The following TCF7L2 variants were observed in gnomAD, a reference collection of about 807,000 sequenced individuals.
TCF7L2 encodes transcription factor 7 like 2, also known as transcription factor 7-like 2.
A neutral mutation model predicts 77.9 loss-of-function variants in TCF7L2; 23 were observed. The ratio of observed to expected loss-of-function variants is 0.30; its 90% CI spans 0.21 to 0.42. TCF7L2 has a LOEUF of 0.42. Among genes scored for constraint, TCF7L2 ranks in the 10% least tolerant of loss-of-function variants. The pLI is 1.00. For synonymous variants in TCF7L2, 413 were observed against 340.2 expected (o/e 1.21, Z -2.36); for missense variants, 654 against 793.1 (o/e 0.82, Z 2.11).
At chr10:113,143,886 C>A (rs2068816725) in intron 6 of TCF7L2, 37 bp from the exon 7 acceptor site, 1 of 1,544,382 alleles carries the variant, frequency 6.5e-7, no homozygotes, top group Admixed American at 1.7e-5. Context: ...TTCCTTCTCT[C>A]CCTCCTTTGT....
At chr10:113,027,004 A>AC (rs1240605878) in intron 4 of TCF7L2, among the ~76,000 whole-genome samples, 1 of 152,228 alleles carries the variant, frequency 6.6e-6, no homozygotes, top group African/African-American at 2.4e-5. Context: ...AAAGCAGAGA[A>AC]CGAGTTGGGT....
intron 5 of TCF7L2, among the ~76,000 whole-genome samples, chr10:113,098,362 C>T (rs1383129794): frequency 1.3e-5 from 2 of 152,044 alleles, no homozygotes; most frequent in East Asian, 3.9e-4. Flanking sequence ...ATTCTGTGCC[C>T]TGATTTAACG....
intron 4 of TCF7L2, among the ~76,000 whole-genome samples, chr10:113,025,468 A>C (rs1309040394): frequency 2.6e-5 from 4 of 151,996 alleles, no homozygotes; most frequent in African/African-American, 4.8e-5. Flanking sequence ...TGAACTCCTG[A>C]ACTGAAGTGA....
At chr10:112,954,728 G>T (rs116900980) in intron 3 of TCF7L2, among the ~76,000 whole-genome samples, 3,493 of 152,320 alleles carry the variant, frequency 0.023, 102 homozygotes, top group Admixed American at 0.075. Context: ...TCCTGGCAAA[G>T]TGGAAATAGG....
intron 3 of TCF7L2, among the ~76,000 whole-genome samples, chr10:112,961,006 TTTA>T (rs2034954792): frequency 6.6e-6 from 1 of 151,332 alleles, no homozygotes. Flanking sequence ...GAACCTGGTT[TTTA>T]TTTTATTTTA....
At chr10:112,973,569 T>C (rs1196331754) in intron 4 of TCF7L2, among the ~76,000 whole-genome samples, 1 of 147,656 alleles carries the variant, frequency 6.8e-6, no homozygotes, top group Non-Finnish European at 1.5e-5. Context: ...ATTGTAAGCC[T>C]TTTTTATTGT....
chr10:112,969,422 G>A (rs576169748), intron 4 of TCF7L2, among the ~76,000 whole-genome samples: 64 of 152,212 alleles, frequency 4.2e-4, no homozygotes, highest in Non-Finnish European at 6.5e-4. Flanking sequence ...GTTTTTTTGC[G>A]ATTATGAATA....
chr10:113,046,450 G>C (rs905098904), intron 5 of TCF7L2, among the ~76,000 whole-genome samples: 1 of 152,114 alleles, frequency 6.6e-6, no homozygotes, highest in Non-Finnish European at 1.5e-5. Flanking sequence ...ACTCTTAAGA[G>C]AGTTCTACCT....
intron 4 of TCF7L2, among the ~76,000 whole-genome samples, chr10:113,003,962 A>C (rs2045003643): frequency 6.6e-6 from 1 of 152,198 alleles, no homozygotes. Context: ...ACACCTTTAG[A>C]GGGATTTTAG....
At chr10:113,031,287 T>C (rs182443118) in intron 4 of TCF7L2, among the ~76,000 whole-genome samples, 22 of 152,342 alleles carry the variant, frequency 1.4e-4, no homozygotes, top group Middle Eastern at 6.8e-3. Flanking sequence ...AATCTTCAAA[T>C]GGACTACATG....
intron 11 of TCF7L2, among the ~76,000 whole-genome samples, chr10:113,155,767 C>T (rs972259882): frequency 6.6e-6 from 1 of 152,178 alleles, no homozygotes. Flanking sequence ...AAACTAGGCC[C>T]GCCTGCCTGT....
chr10:113,156,433 A>G (rs547135150), intron 11 of TCF7L2, among the ~76,000 whole-genome samples: 14 of 152,292 alleles, frequency 9.2e-5, no homozygotes, highest in African/African-American at 2.9e-4. Flanking sequence ...CTTTCTGCCT[A>G]TCATTGTCTT....
intron 4 of TCF7L2, among the ~76,000 whole-genome samples, chr10:113,003,167 T>C (rs903076436): frequency 1.3e-5 from 2 of 152,240 alleles, no homozygotes. Context: ...ACATTGGATA[T>C]GCAAGTCGGC....
intron 4 of TCF7L2, among the ~76,000 whole-genome samples, chr10:112,991,205 T>G (rs1232298560): frequency 1.3e-5 from 2 of 152,034 alleles, no homozygotes; most frequent in East Asian, 3.9e-4. Flanking sequence ...CCATGTGAGG[T>G]TGTACCCCCA....
At chr10:113,020,765 G>A (rs1564792516) in intron 4 of TCF7L2, among the ~76,000 whole-genome samples, 1 of 152,138 alleles carries the variant, frequency 6.6e-6, no homozygotes, top group Non-Finnish European at 1.5e-5. Flanking sequence ...GGAGGTAGAG[G>A]GGGTGTGAGG....
intron 5 of TCF7L2, among the ~76,000 whole-genome samples, chr10:113,075,686 G>A (rs1324714859): frequency 1.3e-5 from 2 of 152,284 alleles, no homozygotes; most frequent in Non-Finnish European, 2.9e-5. Context: ...GCAGAGAATA[G>A]CTCCCTGTGA....
intron 11 of TCF7L2, 28 bp downstream of exon 11, chr10:113,152,468 G>C (rs928039003): frequency 1.9e-6 from 3 of 1,566,430 alleles, no homozygotes; most frequent in Admixed American, 1.7e-5. Context: ...GTTAGGATTG[G>C]AGTCTGTAGA....
rs535615693 is a variant in TCF7L2, at chr10:112,998,297, G to A, written c.450+33673G>A. On this transcript the variant is annotated intron_variant, in intron 4 of 13. Transcript: ENST00000627217. ...TGAACAAAATTGGAATTTCCTTTTT[G>A]GATCTGTTTCTTTAATTGTAAATTG... Among the ~76,000 whole-genome samples the A allele has an allele frequency of 1.5e-3, 235 of 152,096 alleles. 3 individuals carry two copies. Among genetic ancestry groups the A allele is most frequent in the Non-Finnish European group, 2.7e-3 (186 of 67,982 alleles).
At chr10:112,999,657 G>T (rs201597214) in intron 4 of TCF7L2, among the ~76,000 whole-genome samples, 1 of 152,166 alleles carries the variant, frequency 6.6e-6, no homozygotes, top group African/African-American at 2.4e-5. Flanking sequence ...CAAAAATAAG[G>T]CGTATGTAGA....
Sources: allele counts gnomAD v4.1 joint callset (sites outside exome capture counted in the v4.1 genomes callset), GRCh38; gene constraint gnomAD v4.1.1; transcripts MANE v1.5; gene names NCBI Gene and HGNC (gene_info 2026-07-23, HGNC 2026-07-21).